The following CNKSR2 variants were observed in gnomAD, a reference collection of about 807,000 sequenced individuals.
CNKSR2 encodes connector enhancer of kinase suppressor of Ras 2.
CNKSR2 carries 14 observed loss-of-function variants against 84.4 expected under a neutral mutation model. The ratio of observed to expected loss-of-function variants is 0.17; its 90% CI spans 0.11 to 0.26. The LOEUF (loss-of-function observed/expected upper bound fraction) is 0.26. Among genes scored for constraint, CNKSR2 ranks in the 10% least tolerant of loss-of-function variants. The pLI is 1.00. For missense variants in CNKSR2, 485 were observed against 771.2 expected (o/e 0.63, Z 4.40); for synonymous variants, 275 against 277.9 (o/e 0.99, Z 0.10).
chrX:21,583,255 T>C (rs1331973953), intron 13 of CNKSR2, among the ~76,000 whole-genome samples: 2 of 111,663 alleles, frequency 1.8e-5, no homozygotes, highest in African/African-American at 6.5e-5. Flanking sequence ...AGTTTTTCTT[T>C]CATGCACCAG....
At chrX:21,464,154 T>A (rs1370872108) in intron 4 of CNKSR2, among the ~76,000 whole-genome samples, 2 of 112,266 alleles carry the variant, frequency 1.8e-5, no homozygotes, top group Non-Finnish European at 3.8e-5. Flanking sequence ...GGTGATTGAT[T>A]CCCCTCTGGT....
chrX:21,428,612 A>G (rs2090595315), intron 2 of CNKSR2: 1 of 111,667 alleles, frequency 9.0e-6, no homozygotes, highest in African/African-American at 3.2e-5. Flanking sequence ...ATATTAACTG[A>G]AAGAGTAAAA....
At chrX:21,378,831 C>T (rs2089857528) in intron 1 of CNKSR2, among the ~76,000 whole-genome samples, 1 of 111,272 alleles carries the variant, frequency 9.0e-6, no homozygotes, top group Non-Finnish European at 1.9e-5. Flanking sequence ...TGCTTGTCTT[C>T]TCTTACCATC....
intron 1 of CNKSR2, among the ~76,000 whole-genome samples, chrX:21,401,459 A>T (rs1428628929): frequency 8.9e-6 from 1 of 111,928 alleles, no homozygotes; most frequent in Admixed American, 9.4e-5. Context: ...TCAAAACCGA[A>T]CAAATATCAC....
chrX:21,547,867 T>G (rs926325411), intron 11 of CNKSR2, among the ~76,000 whole-genome samples: 1 of 112,198 alleles, frequency 8.9e-6, no homozygotes, highest in African/African-American at 3.2e-5. Flanking sequence ...ATAAATAAGT[T>G]CTTTGAAACC....
At chrX:21,625,557 A>AT in intron 20 of CNKSR2, among the ~76,000 whole-genome samples, 1 of 112,074 alleles carries the variant, frequency 8.9e-6, no homozygotes, top group South Asian at 3.7e-4. Flanking sequence ...TGAGTCTAAG[A>AT]TTTTGTCTTA....
intron 13 of CNKSR2, among the ~76,000 whole-genome samples, chrX:21,579,739 CT>C (rs1470895875): frequency 3.6e-5 from 4 of 111,331 alleles, no homozygotes; most frequent in African/African-American, 1.3e-4. Flanking sequence ...ATGTAAAGAT[CT>C]GATTCAGTGT....
At chrX:21,613,290 T>A (rs1263909355) in intron 20 of CNKSR2, among the ~76,000 whole-genome samples, 1 of 112,395 alleles carries the variant, frequency 8.9e-6, no homozygotes, top group African/African-American at 3.2e-5. Flanking sequence ...AAAATCTCGC[T>A]TTCCTTTGCC....
intron 11 of CNKSR2, chrX:21,537,941 T>C (rs968967868): frequency 9.0e-6 from 1 of 111,465 alleles, no homozygotes; most frequent in African/African-American, 3.3e-5. Context: ...TTCTTCTCTT[T>C]TTGTTTTATC....
At chrX:21,478,223 G>A (rs867623336) in intron 5 of CNKSR2, among the ~76,000 whole-genome samples, 6 of 111,780 alleles carry the variant, frequency 5.4e-5, no homozygotes, top group Middle Eastern at 4.6e-3. Flanking sequence ...TGAAATAGGC[G>A]TTGGATTCTT....
At chrX:21,646,282 T>A (rs191318942) in intron 20 of CNKSR2, among the ~76,000 whole-genome samples, 598 of 112,025 alleles carry the variant, frequency 5.3e-3, no homozygotes, top group Non-Finnish European at 9.6e-3. Flanking sequence ...CAATTCTTTT[T>A]ACAGCTGTCA....
At chrX:21,450,643 TAG>T (rs1229310563) in intron 4 of CNKSR2, among the ~76,000 whole-genome samples, 1 of 112,020 alleles carries the variant, frequency 8.9e-6, no homozygotes, top group East Asian at 2.8e-4. Context: ...TATTTGATTT[TAG>T]TTTTGCTTTG....
At chrX:21,424,491 T>C (rs2090539783) in intron 1 of CNKSR2, 1 of 111,551 alleles carries the variant, frequency 9.0e-6, no homozygotes, top group Non-Finnish European at 1.9e-5. Context: ...TCAAGTTGTA[T>C]GGACCACTAT....
intron 20 of CNKSR2, chrX:21,644,220 G>C (rs774156763): frequency 1.8e-5 from 2 of 111,562 alleles, no homozygotes; most frequent in African/African-American, 6.5e-5. Context: ...TTGTGATTTA[G>C]TCTTTCCCAA....
intron 13 of CNKSR2, among the ~76,000 whole-genome samples, chrX:21,575,567 C>G (rs777231190): frequency 9.0e-6 from 1 of 111,542 alleles, no homozygotes; most frequent in Non-Finnish European, 1.9e-5. Context: ...AATACATTAA[C>G]TCATCTACCA....
rs773626173 is a variant in CNKSR2, at chrX:21,582,159, T to A, written c.1609-8413T>A. 2.1e-4 allele frequency among the ~76,000 whole-genome samples: 24 copies of A among 112,069 alleles called. No individual in the cohort carries two copies. In the South Asian group the frequency reaches 9.0e-3, roughly 42 times the overall value. ...GATGTTACCATGAGCCTTCCTTTCATGCAGATGTTATTATAAGCGGTTGCC... is the reference window on the plus strand; with the variant it reads ...GATGTTACCATGAGCCTTCCTTTCAAGCAGATGTTATTATAAGCGGTTGCC... On this transcript the variant is annotated intron_variant, in intron 13 of 21. Transcript: ENST00000379510.
At chrX:21,392,133 G>T (rs1354009596) in intron 1 of CNKSR2, among the ~76,000 whole-genome samples, 1 of 110,251 alleles carries the variant, frequency 9.1e-6, no homozygotes, top group Non-Finnish European at 1.9e-5. Context: ...CAGCATTTTG[G>T]TTACAATCAT....
At chrX:21,383,453 T>G (rs773984748) in intron 1 of CNKSR2, among the ~76,000 whole-genome samples, 3 of 112,440 alleles carry the variant, frequency 2.7e-5, no homozygotes, top group Non-Finnish European at 5.6e-5. Flanking sequence ...AAATCAAAAT[T>G]TATTTAGTAA....
In CNKSR2 at chrX:21,526,981, G is replaced by C. The variant is rs1412358790; in HGVS notation, c.1072G>C (p.Ala358Pro). Residue 358 changes from alanine to proline, a missense_variant, in exon 10 of 22, where the codon GCA (alanine) becomes CCA (proline). Physicochemically the swap from Ala to Pro is conservative, Grantham distance 27. Transcript: ENST00000379510. Reference protein sequence around the residue: ...LQDLYIPPPPAEPYIPRDEKG... With the variant: ...LQDLYIPPPPPEPYIPRDEKG... ...GGATCTCTACATTCCCCCTCCTCCTGCAGAACCATATATTCCCAGGTATAA... is the reference window on the plus strand; with the variant it reads ...GGATCTCTACATTCCCCCTCCTCCTCCAGAACCATATATTCCCAGGTATAA... 20 of 1,203,669 alleles carry C rather than the reference G, an allele frequency of 1.7e-5. No homozygotes were observed. The Admixed American group carries it at 4.2e-4, about 25-fold the overall frequency.
Sources: allele counts gnomAD v4.1 joint callset (sites outside exome capture counted in the v4.1 genomes callset), GRCh38; gene constraint gnomAD v4.1.1; transcripts MANE v1.5; gene names NCBI Gene and HGNC (gene_info 2026-07-23, HGNC 2026-07-21).